Variants in CDH9 observed in about 807,000 individuals in gnomAD.
The protein encoded by CDH9 is cadherin 9.
Under a neutral mutation model 70.9 loss-of-function variants are expected in CDH9, and 28 were observed. That is an observed-to-expected ratio of 0.40 (90% CI 0.29 to 0.54). CDH9 has a LOEUF of 0.54. Ranked by LOEUF, CDH9 falls within the 20% of genes least tolerant of loss-of-function variation. The probability of loss-of-function intolerance (pLI) is 0.59; values close to 1 mark genes in which losing one functional copy is unlikely to be tolerated. For missense variants in CDH9, 874 were observed against 984.4 expected (o/e 0.89, Z 1.50); for synonymous variants, 409 against 343.1 (o/e 1.19, Z -2.12).
At chr5:26,887,105 G>A (rs572288591) in intron 9 of CDH9, among the ~76,000 whole-genome samples, 72 of 152,126 alleles carry the variant, frequency 4.7e-4, no homozygotes, top group African/African-American at 1.7e-3. Context: ...TTATATTAAT[G>A]ATAATTACAT....
chr5:27,015,008 G>T (rs1743022323), intron 1 of CDH9, among the ~76,000 whole-genome samples: 1 of 151,888 alleles, frequency 6.6e-6, no homozygotes. Flanking sequence ...TGCTTTAGAA[G>T]ACTGCGATGC....
intron 2 of CDH9, among the ~76,000 whole-genome samples, chr5:26,926,663 C>A (rs539100350): frequency 4.5e-4 from 69 of 151,976 alleles, no homozygotes; most frequent in Non-Finnish European, 7.8e-4. Flanking sequence ...TAGGACAAAG[C>A]TGGAGGCATC....
chr5:27,002,374 G>C (rs1047714098), intron 1 of CDH9, among the ~76,000 whole-genome samples: 1 of 152,086 alleles, frequency 6.6e-6, no homozygotes, highest in African/African-American at 2.4e-5. Flanking sequence ...ATTCCTCAAG[G>C]ATCTAGAATT....
intron 2 of CDH9, among the ~76,000 whole-genome samples, chr5:26,957,075 TC>T (rs1741959402): frequency 6.6e-6 from 1 of 151,524 alleles, no homozygotes; most frequent in African/African-American, 2.4e-5. Flanking sequence ...TTAATTTTTT[TC>T]TACAATATTA....
At chr5:27,035,460 C>T (rs1743375170) in intron 1 of CDH9, among the ~76,000 whole-genome samples, 5 of 151,510 alleles carry the variant, frequency 3.3e-5, no homozygotes, top group Admixed American at 2.6e-4. Context: ...ATAAAAATGA[C>T]CATATTTATA....
At chr5:26,918,639 A>G (rs1741190238) in intron 2 of CDH9, among the ~76,000 whole-genome samples, 3 of 152,374 alleles carry the variant, frequency 2.0e-5, no homozygotes, top group African/African-American at 7.2e-5. Context: ...ATGGGTGACT[A>G]GTCTTTAAAC....
chr5:26,980,414 G>T (rs1363813457), intron 2 of CDH9, among the ~76,000 whole-genome samples: 1 of 151,816 alleles, frequency 6.6e-6, no homozygotes, highest in African/African-American at 2.4e-5. Context: ...TTTACTAAGT[G>T]TATACTCAAT....
chr5:26,939,796 A>G (rs1253353111), intron 2 of CDH9, among the ~76,000 whole-genome samples: 1 of 152,182 alleles, frequency 6.6e-6, no homozygotes, highest in Non-Finnish European at 1.5e-5. Context: ...TTGTTTAGGC[A>G]TGCATGCATG....
intron 2 of CDH9, among the ~76,000 whole-genome samples, chr5:26,963,367 T>G (rs111792353): frequency 0.019 from 2,841 of 152,308 alleles, 38 homozygotes; most frequent in Middle Eastern, 0.051. Flanking sequence ...AAGTCAATTA[T>G]GTCTGAGACT....
intron 1 of CDH9, among the ~76,000 whole-genome samples, chr5:27,006,557 CCCAACCGGTGTTTCTT>C (rs1304607498): frequency 2.0e-5 from 3 of 152,094 alleles, no homozygotes; most frequent in African/African-American, 7.2e-5. Context: ...AATATCTGCT[CCCAACCGGTGTTTCTT>C]CAGGGCCAGG....
chr5:26,938,407 C>T (rs1275574404), intron 2 of CDH9, among the ~76,000 whole-genome samples: 2 of 151,818 alleles, frequency 1.3e-5, no homozygotes, highest in Admixed American at 1.3e-4. Flanking sequence ...TAAAATCTTG[C>T]TCAACACATT....
chr5:26,979,680 C>T (rs1336869023), intron 2 of CDH9, among the ~76,000 whole-genome samples: 1 of 151,654 alleles, frequency 6.6e-6, no homozygotes, highest in African/African-American at 2.4e-5. Context: ...TACAGAAAGG[C>T]TGAGAGCAAG....
chr5:26,936,135 T>C (rs2127430), intron 2 of CDH9, among the ~76,000 whole-genome samples: 14,925 of 152,052 alleles, frequency 0.098, 910 homozygotes, highest in East Asian at 0.17. Flanking sequence ...AGTGTACATA[T>C]TGGGTACAGT....
intron 11 of CDH9, among the ~76,000 whole-genome samples, chr5:26,884,409 TA>T (rs566145954): frequency 1.3e-5 from 2 of 152,076 alleles, no homozygotes; most frequent in South Asian, 4.1e-4. Context: ...CCTGAGCGAA[TA>T]AAACAACGTG....
intron 2 of CDH9, among the ~76,000 whole-genome samples, chr5:26,930,650 T>C (rs938741840): frequency 6.6e-6 from 1 of 152,088 alleles, no homozygotes; most frequent in Non-Finnish European, 1.5e-5. Flanking sequence ...GTAACTGTCA[T>C]TTTACTTCTT....
chr5:26,960,429 T>C (rs969989532), intron 2 of CDH9, among the ~76,000 whole-genome samples: 7 of 152,136 alleles, frequency 4.6e-5, no homozygotes, highest in African/African-American at 1.4e-4. Flanking sequence ...GGTTTTCTGT[T>C]GAGGATAGCA....
intron 2 of CDH9, among the ~76,000 whole-genome samples, chr5:26,922,453 A>T (rs13163963): frequency 6.7e-6 from 1 of 149,184 alleles, no homozygotes; most frequent in African/African-American, 2.6e-5. Flanking sequence ...GTGCTAAAGG[A>T]AAAAAAATCA....
chr5:26,998,104 T>G (rs562001579), intron 1 of CDH9, among the ~76,000 whole-genome samples: 2 of 152,262 alleles, frequency 1.3e-5, no homozygotes, highest in East Asian at 3.9e-4. Flanking sequence ...CCAAGGGCAT[T>G]CCACACCCAG....
Position 26,915,713 on chromosome 5 carries a change from A to T in CDH9, c.440T>A (p.Ile147Asn). Residue 147 changes from isoleucine (I) to asparagine (N), a missense_variant, in exon 3 of 12, where the codon ATT becomes AAT. Ile to Asn is a moderately radical substitution (Grantham distance 149). Coordinates refer to ENST00000231021, the MANE Select transcript of CDH9 (RefSeq NM_016279.4). ...RQVEPESEFI[I>N]KIHDINDNEP... Reference sequence around the variant, plus strand: ...ATTGTCATTGATATCATGTATTTTAATGATAAATTCCGATTCCGGTTCCAC... The same window carrying T: ...ATTGTCATTGATATCATGTATTTTATTGATAAATTCCGATTCCGGTTCCAC... The T allele has an allele frequency of 6.2e-7, 1 of 1,612,786 alleles. No individual in the cohort carries two copies. Among genetic ancestry groups the T allele is most frequent in the Non-Finnish European group, 8.5e-7 (1 of 1,178,832 alleles).
Sources: gnomAD v4.1 joint callset for allele counts (sites outside exome capture counted in the v4.1 genomes callset) on GRCh38, gnomAD v4.1.1 for gene constraint, MANE v1.5 for transcripts, NCBI Gene and HGNC (gene_info 2026-07-23, HGNC 2026-07-21) for gene names.